The following USP45 variants were observed in gnomAD, a reference collection of about 807,000 sequenced individuals.
USP45 encodes the protein ubiquitin specific peptidase 45.
A neutral mutation model predicts 95.8 loss-of-function variants in USP45; 89 were observed. The observed-to-expected ratio is 0.93, with a 90% confidence interval of 0.78 to 1.11. USP45 has a LOEUF of 1.11. Ranked by LOEUF, USP45 falls within the 50% of genes least tolerant of loss-of-function variation. USP45 has a pLI of 0.00. For synonymous variants in USP45, 281 were observed against 316.2 expected, an observed-to-expected ratio of 0.89 and a Z score of 1.18; for missense variants, 898 against 942.5, an observed-to-expected ratio of 0.95 and a Z score of 0.62.
intron 1 of USP45, among the ~76,000 whole-genome samples, chr6:99,512,471 A>T (rs1800101473): frequency 6.6e-6 from 1 of 152,222 alleles, no homozygotes; most frequent in African/African-American, 2.4e-5. Context: ...AAGATTTTAG[A>T]TACAAGCTAA....
At chr6:99,450,550 CCAAT>C (rs1269420470) in intron 13 of USP45, among the ~76,000 whole-genome samples, 2 of 152,118 alleles carry the variant, frequency 1.3e-5, no homozygotes, top group African/African-American at 4.8e-5. Flanking sequence ...TAATAGCCTA[CCAAT>C]CAAAAAAAGT....
At chr6:99,507,862 T>G (rs544300647) in intron 3 of USP45, among the ~76,000 whole-genome samples, 1 of 152,174 alleles carries the variant, frequency 6.6e-6, no homozygotes, top group African/African-American at 2.4e-5. Flanking sequence ...CGTACACAAC[T>G]TCACCCCAGC....
chr6:99,455,513 A>T (rs1784851010), intron 13 of USP45, among the ~76,000 whole-genome samples: 1 of 152,116 alleles, frequency 6.6e-6, no homozygotes, highest in Non-Finnish European at 1.5e-5. Context: ...AAGATCCAGC[A>T]ATCCCACTAC....
chr6:99,483,795 G>A lies in USP45; in HGVS notation c.715-912C>T, dbSNP rs571542602. On this transcript the variant is annotated intron_variant, in intron 7 of 17. Transcript: ENST00000500704. ...GGAGCTTGCAGTGAGCCGAGATTGC[G>A]CCACTGCAGTCCGCAGTCCGGCCTG... 2.6e-4 allele frequency among the ~76,000 whole-genome samples: 30 copies of A among 113,824 alleles called. No homozygotes were observed. In the South Asian group the frequency reaches 5.9e-3, roughly 22 times the overall value. 74.7% of individuals were successfully genotyped at this position (113,824 alleles called of 152,430 possible). A position where few individuals can be genotyped will look rare whatever the true frequency, so the allele number is the denominator to read the frequency against.
At chr6:99,461,050 T>C (rs1786327439) in intron 13 of USP45, 2 of 985,270 alleles carry the variant, frequency 2.0e-6, no homozygotes, top group African/African-American at 3.5e-5. Context: ...TCATGTAAAT[T>C]GTACCAGAGC....
At chr6:99,443,995 G>A (rs897559262) in intron 14 of USP45, among the ~76,000 whole-genome samples, 4 of 151,912 alleles carry the variant, frequency 2.6e-5, no homozygotes, top group Admixed American at 2.6e-4. Flanking sequence ...GAAGAATTTG[G>A]GTTTAAAAAG....
chr6:99,507,816 A>G (rs1798864064), intron 3 of USP45, among the ~76,000 whole-genome samples: 1 of 152,226 alleles, frequency 6.6e-6, no homozygotes, highest in Non-Finnish European at 1.5e-5. Flanking sequence ...CTGGCAGGCC[A>G]GTGGTGCCCT....
intron 2 of USP45, 39 bp downstream of exon 2, chr6:99,510,081 CT>C (rs1366022291): frequency 6.8e-7 from 1 of 1,462,808 alleles, no homozygotes; most frequent in Non-Finnish European, 9.6e-7. Flanking sequence ...ATTGTTATTT[CT>C]TCTCAACACT....
rs1218514629 is a variant in USP45, at chr6:99,488,662, G to A, written c.618+19C>T. 6.3e-7 allele frequency: 1 copy of A among 1,588,988 alleles called. No individual in the cohort carries two copies. The highest frequency in any genetic ancestry group is 2.3e-5 in the East Asian group (1 of 43,568). On this transcript the variant is annotated intron_variant, in intron 6 of 17. Transcript: ENST00000500704. ...AAGAGAATCTTTTACATATTACAAA[G>A]CTTTCTGATGACTCTTACCTGCATG... is the stretch of plus-strand genomic sequence containing the variant.
intron 8 of USP45, among the ~76,000 whole-genome samples, chr6:99,481,202 CTGAG>C (rs1312919695): frequency 3.3e-5 from 5 of 152,120 alleles, no homozygotes. Context: ...TCATACAAAA[CTGAG>C]TAAGTTATAC....
Position 99,503,781 on chromosome 6 carries a change from A to G in USP45, c.462T>C (p.Ala154=). The change falls in exon 5 of 18, where the codon GCT becomes GCC. Residue 154 remains alanine, a synonymous_variant. Transcript: ENST00000500704. ...TTAACTTACTTGTTTGTGTTTTAGA[A>G]GCATGTTTCTGGAGAAAATCAACTA... ...AQIVDFLQKH[A]SKTQTSAFSR... 2 of 1,597,256 alleles carry G rather than the reference A, an allele frequency of 1.3e-6. No individual in the cohort carries two copies. The highest frequency in any genetic ancestry group is 1.7e-6 in the Non-Finnish European group (2 of 1,172,086).
At chr6:99,483,505 T>G (rs1043685972) in intron 7 of USP45, among the ~76,000 whole-genome samples, 22 of 152,140 alleles carry the variant, frequency 1.4e-4, no homozygotes, top group Non-Finnish European at 1.5e-4. Context: ...GGACAAGGAA[T>G]AGAAAGCAGA....
At position 99,483,321 on chromosome 6, in the gene USP45, G is replaced by T. The variant is rs141024559; in HGVS notation, c.715-438C>A. On this transcript the variant is annotated intron_variant, in intron 7 of 17. Coordinates refer to ENST00000500704, the MANE Select transcript of USP45 (RefSeq NM_001346022.3). The stretch of plus-strand genomic sequence containing the variant: ...ATTTTACTAGTAAAGTAATAATGTG[G>T]AATCATGTAACAAAATCAGCATAAC... 1.3e-3 allele frequency among the ~76,000 whole-genome samples: 196 copies of T among 152,164 alleles called. 2 individuals are homozygous for T. The highest frequency in any genetic ancestry group is 4.9e-4 in the Non-Finnish European group (33 of 68,002).
chr6:99,465,136 T>C lies in USP45; in HGVS notation c.1108A>G (p.Ile370Val). ...ATGAATGGATCTTTCACCGTGGAGA[T>C]CTTAAAAGGAAAACACATTGAAAAC... The part of the protein sequence containing the change: ...STVMCEECAN[I>V]STVKDPFIDI... The change falls in exon 12 of 18, where the codon ATC (isoleucine) becomes GTC (valine). Residue 370 changes from isoleucine (I) to valine (V), a missense_variant and splice_region_variant. Physicochemically the swap from Ile to Val is conservative, Grantham distance 29. Coordinates refer to ENST00000500704, the MANE Select transcript of USP45 (RefSeq NM_001346022.3). 1 of 1,591,222 alleles carries C rather than the reference T, an allele frequency of 6.3e-7. No homozygotes were observed. Among genetic ancestry groups the C allele is most frequent in the South Asian group, 1.2e-5 (1 of 86,682 alleles).
chr6:99,488,938 T>C, intron 5 of USP45, 118 bp from the exon 6 acceptor site: 1 of 752,616 alleles, frequency 1.3e-6, no homozygotes, highest in Non-Finnish European at 1.9e-6. Flanking sequence ...TGAATCAGTG[T>C]TCCTGAAGGG....
chr6:99,436,035 TG>T (rs1780411702), intron 17 of USP45, among the ~76,000 whole-genome samples, 189 bp from the exon 18 acceptor site: 1 of 152,014 alleles, frequency 6.6e-6, no homozygotes, highest in African/African-American at 2.4e-5. Context: ...TTTTAAGTTC[TG>T]GAATATCTGT....
chr6:99,450,041 G>C (rs1022429894), intron 13 of USP45, among the ~76,000 whole-genome samples: 1 of 152,084 alleles, frequency 6.6e-6, no homozygotes, highest in Non-Finnish European at 1.5e-5. Flanking sequence ...GTGTGTAGAG[G>C]GAAATTTATA....
At chr6:99,486,234 C>T (rs982752482) in intron 7 of USP45, among the ~76,000 whole-genome samples, 4 of 152,102 alleles carry the variant, frequency 2.6e-5, no homozygotes, top group Non-Finnish European at 5.9e-5. Flanking sequence ...AGAACAGTGC[C>T]ACAGCTCAGG....
In USP45 at chr6:99,488,251, G is replaced by T; in HGVS notation, c.663C>A (p.Ile221=). ...TYTLTDLMNE[I]KESSTKLKIF... is the part of the protein sequence containing the mutation. The stretch of plus-strand genomic sequence containing the variant: ...TCTTGAGTTTTGTACTACTTTCTTT[G>T]ATCTCATTCATCAGATCAGTAAGAG... The change falls in exon 7 of 18, where the codon ATC becomes ATA. Residue 221 remains isoleucine, a synonymous_variant. Coordinates refer to ENST00000500704, the MANE Select transcript of USP45 (RefSeq NM_001346022.3). The T allele has an allele frequency of 1.2e-6, 2 of 1,612,350 alleles. No homozygotes were observed. Among genetic ancestry groups the T allele is most frequent in the Non-Finnish European group, 1.7e-6 (2 of 1,179,432 alleles).
Sources: gnomAD v4.1 joint callset for allele counts (sites outside exome capture counted in the v4.1 genomes callset) on GRCh38, gnomAD v4.1.1 for gene constraint, MANE v1.5 for transcripts, NCBI Gene and HGNC (gene_info 2026-07-23, HGNC 2026-07-21) for gene names.